The following AGMAT variants were observed in gnomAD, a reference collection of about 807,000 sequenced individuals.
AGMAT encodes agmatinase (putative), also known as guanidino acid hydrolase, mitochondrial.
AGMAT carries 37 observed loss-of-function variants against 29.3 expected under a neutral mutation model. The ratio of observed to expected loss-of-function variants is 1.26; its 90% confidence interval spans 0.97 to 1.66. AGMAT has a LOEUF of 1.66. Ranked by LOEUF, AGMAT falls within the 40% of genes most tolerant of loss-of-function variation. The pLI is 0.00. For missense variants in AGMAT, 498 were observed against 497.8 expected (o/e 1.00, Z 0.00); for synonymous variants, 199 against 200.8 (o/e 0.99, Z 0.08).
chr1:15,572,166 A>AT lies in AGMAT; in HGVS notation c.*1484_*1485insA, dbSNP rs1337618295. ...TCTCAGAAAAAAAAAAAAAAAAAAA[A>AT]GCCCAGCTGACATTTTCCAGTTTTG... is the stretch of plus-strand genomic sequence containing the variant. On this transcript the variant is annotated 3_prime_UTR_variant, in exon 7 of 7. Transcript: ENST00000375826. Among the ~76,000 whole-genome samples the AT allele has an allele frequency of 1.3e-5, 2 of 149,336 alleles. No individual in the cohort carries two copies.
chr1:15,574,778 A>G lies in AGMAT; in HGVS notation c.964T>C (p.Ser322Pro). 6.2e-7 allele frequency: 1 copy of G among 1,613,936 alleles called. No homozygotes were observed. Among genetic ancestry groups the G allele is most frequent in the Non-Finnish European group, 8.5e-7 (1 of 1,179,866 alleles). ...TCACCAGAAAGATCATACGGTGGTGAAACTTCGACAAGATCACAGCCCATC... is the reference window on the plus strand; with the variant it reads ...TCACCAGAAAGATCATACGGTGGTGGAACTTCGACAAGATCACAGCCCATC... ...NVMGCDLVEV[S>P]PPYDLSGNTA... Residue 322 changes from serine (S) to proline (P), a missense_variant, in exon 6 of 7, where the codon TCA becomes CCA. Transcript: ENST00000375826.
chr1:15,579,296 A>T (rs549232889), intron 3 of AGMAT, among the ~76,000 whole-genome samples: 30 of 152,288 alleles, frequency 2.0e-4, no homozygotes, highest in African/African-American at 7.2e-4. Context: ...CCTATCACCC[A>T]GAATTTGCTT....
chr1:15,585,010 GGCC>G lies in AGMAT; in HGVS notation c.-46_-44del. On this transcript the variant is annotated 5_prime_UTR_variant, in exon 1 of 7. Transcript: ENST00000375826. ...ACCTCACCGACCAAACCGCCCGCGA[GGCC>G]GCCGCGATCTGGCTGGTCCCGAACG... is the stretch of plus-strand genomic sequence containing the variant. 1 of 1,280,050 alleles carries G rather than the reference GGCC, an allele frequency of 7.8e-7. No individual in the cohort carries two copies. Among genetic ancestry groups the G allele is most frequent in the Non-Finnish European group, 9.8e-7 (1 of 1,016,628 alleles). 79.3% of individuals were successfully genotyped at this position (1,280,050 alleles called of 1,614,324 possible).
chr1:15,574,704 G>A (rs1227640077), intron 6 of AGMAT, 53 bp downstream of exon 6: 42 of 1,480,192 alleles, frequency 2.8e-5, no homozygotes, highest in Admixed American at 1.0e-4. Context: ...AACTAGCTTC[G>A]TGTAATTTAA....
At chr1:15,574,952 C>A (rs1009870222) in intron 5 of AGMAT, 111 bp from the exon 6 acceptor site, 58 of 791,678 alleles carry the variant, frequency 7.3e-5, no homozygotes, top group Non-Finnish European at 2.6e-5. Context: ...TTGGCTTTCC[C>A]TCCATAAACA....
chr1:15,583,425 A>G, intron 1 of AGMAT, 30 bp from the exon 2 acceptor site: 1 of 1,590,968 alleles, frequency 6.3e-7, no homozygotes, highest in Non-Finnish European at 8.6e-7. Flanking sequence ...CCTGTCAGCC[A>G]TCATCTGCAG....
rs367855679 is a variant in AGMAT at position 15,583,430 on chromosome 1, C to G, written c.273-35G>C. 3.2e-6 allele frequency: 5 copies of G among 1,586,050 alleles called. No individual in the cohort carries two copies. The African/African-American group carries it at 6.7e-5, about 21-fold the overall frequency. The stretch of plus-strand genomic sequence containing the variant: ...GAAGAATCATCCTGTCAGCCATCAT[C>G]TGCAGAGATTTCAGGCTTTGCTTAG... On this transcript the variant is annotated intron_variant, in intron 1 of 6. Coordinates refer to ENST00000375826, the MANE Select transcript of AGMAT (RefSeq NM_024758.5).
chr1:15,584,826 C>A lies in AGMAT; in HGVS notation c.142G>T (p.Glu48Ter). The A allele has an allele frequency of 7.0e-7, 1 of 1,419,194 alleles. No homozygotes were observed. The allele number at this position is 1,419,194 out of a possible 1,614,324, so 87.9% of individuals were successfully genotyped here. A position where few individuals can be genotyped will look rare whatever the true frequency, so the allele number is the denominator to read the frequency against. Residue 48 changes from glutamate (E) to a stop codon, truncating the protein, a stop_gained, in exon 1 of 7, where the codon GAG becomes TAG. Coordinates refer to ENST00000375826, the MANE Select transcript of AGMAT (RefSeq NM_024758.5). LOFTEE classifies it high-confidence loss of function. ...DAPRNQPPSP[E>*]FVARPVGVCS... The stretch of plus-strand genomic sequence containing the variant: ...ACGCCCACCGGCCGGGCCACGAACT[C>A]GGGGCTGGGGGGCTGGTTCCGGGGC...
chr1:15,574,673 TG>T, intron 6 of AGMAT, 83 bp downstream of exon 6: 1 of 1,255,404 alleles, frequency 8.0e-7, no homozygotes, highest in Non-Finnish European at 1.2e-6. Flanking sequence ...CCACCATGCC[TG>T]GCCCCATTTT....
rs770078404 is a variant in AGMAT at position 15,578,881 on chromosome 1, G to A, written c.698C>T (p.Pro233Leu). The A allele has an allele frequency of 1.9e-6, 3 of 1,614,108 alleles. No individual in the cohort carries two copies. The South Asian group carries it at 3.3e-5, about 18-fold the overall frequency. The change falls in exon 4 of 7, where the codon CCC becomes CTC. Residue 233 changes from proline to leucine, a missense_variant. Pro to Leu is a moderately conservative substitution (Grantham distance 98). Transcript: ENST00000375826. ...CACCTGGCTCCGGTTGTATCTGTAG[G>A]GATCCAAGGTCGTGGAAGAGCCCCG... ...GIRGSSTTLD[P>L]YRYNRSQGFR...
chr1:15,573,495 A>C lies in AGMAT; in HGVS notation c.*156T>G. The C allele has an allele frequency of 1.6e-6, 1 of 616,866 alleles. No individual in the cohort carries two copies. Among genetic ancestry groups the C allele is most frequent in the South Asian group, 2.2e-5 (1 of 45,906 alleles). The allele number at this position is 616,866 out of a possible 1,614,324, so 38.2% of individuals were successfully genotyped here. ...TTAGAAATGTTGCTGTTTGGGTGAG[A>C]ATTCTACTGATTATCCCGACTTCAC... On this transcript the variant is annotated 3_prime_UTR_variant, in exon 7 of 7. Transcript: ENST00000375826.
chr1:15,577,795 G>T lies in AGMAT; in HGVS notation c.790C>A (p.Gln264Lys), dbSNP rs1639059766. 7 of 1,614,192 alleles carry T rather than the reference G, an allele frequency of 4.3e-6. No individual in the cohort carries two copies. Among genetic ancestry groups the T allele is most frequent in the Non-Finnish European group, 5.9e-6 (7 of 1,180,036 alleles). ...SLVPLMGEVR[Q>K]QMGGKPIYIS... Reference sequence around the variant, plus strand: ...TAAATGGGTTTGCCTCCCATCTGCTGCCTGACTTCCCCCATCAGAGGAACC... The same window carrying T: ...TAAATGGGTTTGCCTCCCATCTGCTTCCTGACTTCCCCCATCAGAGGAACC... The change falls in exon 5 of 7, where the codon CAG (glutamine) becomes AAG (lysine). Residue 264 changes from glutamine (Q) to lysine (K), a missense_variant. Transcript: ENST00000375826.
chr1:15,580,680 A>G (rs1427592591), intron 2 of AGMAT, among the ~76,000 whole-genome samples: 2 of 151,998 alleles, frequency 1.3e-5, no homozygotes. Flanking sequence ...ACTATCTCAA[A>G]AAAATGAATA....
chr1:15,583,190 T>C lies in AGMAT; in HGVS notation c.475+3A>G. 5 of 1,613,934 alleles carry C rather than the reference T, an allele frequency of 3.1e-6. No homozygotes were observed. Among genetic ancestry groups the C allele is most frequent in the Non-Finnish European group, 4.2e-6 (5 of 1,179,996 alleles). On this transcript the variant is annotated splice_donor_region_variant and intron_variant, in intron 2 of 6. Coordinates refer to ENST00000375826, the MANE Select transcript of AGMAT (RefSeq NM_024758.5). Reference sequence around the variant, plus strand: ...TACTCTGGCTCTTGCAGACTGACATTACCCAAGGTCAGAGGAATACAGCCA... The same window carrying C: ...TACTCTGGCTCTTGCAGACTGACATCACCCAAGGTCAGAGGAATACAGCCA...
chr1:15,577,770 T>C lies in AGMAT; in HGVS notation c.815A>G (p.Tyr272Cys). The C allele has an allele frequency of 1.2e-6, 2 of 1,614,172 alleles. No individual in the cohort carries two copies. The highest frequency in any genetic ancestry group is 1.7e-6 in the Non-Finnish European group (2 of 1,180,022). ...CAGAGCGTCAATATCAAAGCTGATA[T>C]AAATGGGTTTGCCTCCCATCTGCTG... ...VRQQMGGKPI[Y>C]ISFDIDALDP... The change falls in exon 5 of 7, where the codon TAT becomes TGT. Residue 272 changes from tyrosine (Y) to cysteine (C), a missense_variant. Tyr to Cys is a radical substitution (Grantham distance 194). Coordinates refer to ENST00000375826, the MANE Select transcript of AGMAT (RefSeq NM_024758.5).
At chr1:15,579,114 C>A in intron 3 of AGMAT, 60 bp from the exon 4 acceptor site, 1 of 1,529,620 alleles carries the variant, frequency 6.5e-7, no homozygotes, top group South Asian at 1.2e-5. Context: ...GCACAGCCAC[C>A]CTTCGGGCCA....
Position 15,584,886 on chromosome 1 carries a change from G to A in AGMAT, c.82C>T (p.Pro28Ser). The change falls in exon 1 of 7, where the codon CCG becomes TCG. Residue 28 changes from proline to serine, a missense_variant. Transcript: ENST00000375826. ...GCCTGGCGGCTCTGGCGGCGCCCCGGATGAAAGAGCCCTGCGGCAGGACGC... is the reference window on the plus strand; with the variant it reads ...GCCTGGCGGCTCTGGCGGCGCCCCGAATGAAAGAGCCCTGCGGCAGGACGC... ...GARPAAGLFH[P>S]GRRQSRQASD... 1 of 1,405,460 alleles carries A rather than the reference G, an allele frequency of 7.1e-7. No homozygotes were observed. Among genetic ancestry groups the A allele is most frequent in the Non-Finnish European group, 9.2e-7 (1 of 1,086,450 alleles). The allele number at this position is 1,405,460 out of a possible 1,614,324, so 87.1% of individuals were successfully genotyped here.
chr1:15,580,096 T>C lies in AGMAT; in HGVS notation c.522A>G (p.Lys174=). 6.2e-7 allele frequency: 1 copy of C among 1,613,984 alleles called. No homozygotes were observed. The change falls in exon 3 of 7, where the codon AAA becomes AAG. Residue 174 remains lysine, a splice_region_variant and synonymous_variant. Coordinates refer to ENST00000375826, the MANE Select transcript of AGMAT (RefSeq NM_024758.5). ...GGCCCAAGCCATTTGAGACTTACTT[T>C]TTTGCCATCGCTTGCAATATGGGAT... ...ITYPILQAMA[K]KHGPVGLLHV...
rs6678650 is a variant in AGMAT, at chr1:15,573,657, G to A, written c.1053C>T (p.Thr351=). 3,542 of 1,614,074 alleles carry A rather than the reference G, an allele frequency of 2.2e-3. 62 individuals are homozygous for A. The African/African-American group carries it at 0.041, about 19-fold the overall frequency. The change falls in exon 7 of 7, where the codon ACC becomes ACT. Residue 351 remains threonine (T), a synonymous_variant. Coordinates refer to ENST00000375826, the MANE Select transcript of AGMAT (RefSeq NM_024758.5). ...GTCTTGAAGAGCACAAGACTCAGAC[G>A]GTTGTCACTTTGGGGAGAGCACATA... is the stretch of plus-strand genomic sequence containing the variant. ...EMLCALPKVT[T]V is the part of the protein sequence containing the mutation.
Sources: gnomAD v4.1 joint callset for allele counts (sites outside exome capture counted in the v4.1 genomes callset) on GRCh38, gnomAD v4.1.1 for gene constraint, MANE v1.5 for transcripts, NCBI Gene and HGNC (gene_info 2026-07-23, HGNC 2026-07-21) for gene names.